Variants in OXR1 observed in about 807,000 individuals in gnomAD.
The protein encoded by OXR1 is oxidation resistance protein 1.
In OXR1, 41 loss-of-function variants were observed where a neutral mutation model predicts 104.6. The ratio of observed to expected loss-of-function variants is 0.39; its 90% CI spans 0.31 to 0.51. The LOEUF (loss-of-function observed/expected upper bound fraction) is 0.51. OXR1 is among the 20% of genes least tolerant of loss of function. The pLI is 0.77. For synonymous variants in OXR1, 348 were observed against 348.4 expected (o/e 1.00, Z 0.01); for missense variants, 955 against 1,031.9 (o/e 0.93, Z 1.02).
intron 3 of OXR1, among the ~76,000 whole-genome samples, chr8:106,638,723 T>C (rs565480866): frequency 1.8e-4 from 27 of 152,154 alleles, no homozygotes; most frequent in Admixed American, 1.0e-3. Context: ...TGAAATCCCA[T>C]CTCTACTAAA....
intron 2 of OXR1, among the ~76,000 whole-genome samples, chr8:106,489,029 C>T (rs932916000): frequency 1.3e-4 from 19 of 148,636 alleles, no homozygotes; most frequent in African/African-American, 4.3e-4. Flanking sequence ...TGGCCATTTT[C>T]ACGATATTGA....
intron 1 of OXR1, among the ~76,000 whole-genome samples, chr8:106,354,693 T>C (rs1221290935): frequency 6.6e-6 from 1 of 152,166 alleles, no homozygotes; most frequent in Non-Finnish European, 1.5e-5. Flanking sequence ...ATAGAAAACC[T>C]ATATTTATTA....
intron 3 of OXR1, among the ~76,000 whole-genome samples, chr8:106,555,928 G>GTGTATA (rs1554593236): frequency 1.5e-4 from 22 of 142,538 alleles, no homozygotes; most frequent in East Asian, 1.3e-3. Context: ...GTATATATAT[G>GTGTATA]TACATATATA....
chr8:106,359,631 A>G lies in OXR1; in HGVS notation c.18A>G (p.Leu6=), dbSNP rs1270427627. 4.5e-5 allele frequency: 69 copies of G among 1,547,220 alleles called. No homozygotes were observed. Among genetic ancestry groups the G allele is most frequent in the Non-Finnish European group, 5.5e-5 (63 of 1,142,782 alleles). ...TTGCTGCAATGTCTGTGTCTAATCT[A>G]TCATGGTGAGTGAATGGTTTTCTTG... The part of the protein sequence containing the change: MSVSN[L]SWLKKKSQSV... Residue 6 remains leucine (L), a synonymous_variant, in exon 2 of 17, where the codon CTA becomes CTG. Coordinates refer to ENST00000517566, the MANE Select transcript of OXR1 (RefSeq NM_001198533.2).
rs1563712494 is a variant in OXR1 at position 106,692,224 on chromosome 8, A to G, written c.526-504A>G. ...TGATCTAGTGGAATGGGATTTATCA[A>G]CTGTAGCTCGAGATTTAAAAGGCTA... On this transcript the variant is annotated intron_variant, in intron 6 of 16. Coordinates refer to ENST00000517566, the MANE Select transcript of OXR1 (RefSeq NM_001198533.2). 6.6e-5 allele frequency among the ~76,000 whole-genome samples: 10 copies of G among 152,164 alleles called. No individual in the cohort carries two copies. The South Asian group carries it at 1.7e-3, about 25-fold the overall frequency.
intron 2 of OXR1, among the ~76,000 whole-genome samples, chr8:106,431,161 C>G (rs1246823901): frequency 6.6e-6 from 1 of 152,022 alleles, no homozygotes; most frequent in Non-Finnish European, 1.5e-5. Context: ...GGGTTGTAGC[C>G]CATAGACTTC....
chr8:106,606,227 A>G (rs1224021488), intron 3 of OXR1, among the ~76,000 whole-genome samples: 1 of 151,992 alleles, frequency 6.6e-6, no homozygotes, highest in African/African-American at 2.4e-5. Context: ...TTGGCCACCT[A>G]CCATCGTCAA....
chr8:106,518,503 G>A (rs1346228911), intron 2 of OXR1, among the ~76,000 whole-genome samples: 1 of 152,096 alleles, frequency 6.6e-6, no homozygotes, highest in Non-Finnish European at 1.5e-5. Context: ...CAGCTAAGAT[G>A]CTGTATAGAT....
chr8:106,474,588 A>G (rs1290417092), intron 2 of OXR1, among the ~76,000 whole-genome samples: 2 of 151,924 alleles, frequency 1.3e-5, no homozygotes, highest in Non-Finnish European at 2.9e-5. Context: ...ATAAAATTTA[A>G]ATTTCTGTGT....
chr8:106,392,242 G>T (rs1817612751), intron 2 of OXR1, among the ~76,000 whole-genome samples: 1 of 152,158 alleles, frequency 6.6e-6, no homozygotes, highest in African/African-American at 2.4e-5. Context: ...CCACATATGT[G>T]TTTGCTTTGT....
intron 2 of OXR1, among the ~76,000 whole-genome samples, chr8:106,371,473 G>C (rs1224091806): frequency 6.6e-6 from 1 of 151,984 alleles, no homozygotes; most frequent in East Asian, 1.9e-4. Context: ...CTAGCTCTTT[G>C]AATTGTGATG....
At chr8:106,444,389 CAT>C (rs1401238734) in intron 2 of OXR1, among the ~76,000 whole-genome samples, 1 of 152,098 alleles carries the variant, frequency 6.6e-6, no homozygotes, top group Non-Finnish European at 1.5e-5. Context: ...TTCATGCACA[CAT>C]GTTTATTGCA....
chr8:106,516,270 A>G (rs1301889063), intron 2 of OXR1, among the ~76,000 whole-genome samples: 1 of 152,154 alleles, frequency 6.6e-6, no homozygotes, highest in African/African-American at 2.4e-5. Context: ...AGCAGTACAA[A>G]TGCATACCTT....
At chr8:106,537,155 CATAAT>C (rs966797479) in intron 3 of OXR1, among the ~76,000 whole-genome samples, 21 of 152,052 alleles carry the variant, frequency 1.4e-4, no homozygotes, top group African/African-American at 4.8e-4. Context: ...GCTTCACCCT[CATAAT>C]ATAACTACCT....
chr8:106,298,882 C>T (rs1244554267), intron 1 of OXR1, among the ~76,000 whole-genome samples: 1 of 151,806 alleles, frequency 6.6e-6, no homozygotes, highest in Non-Finnish European at 1.5e-5. Context: ...CCTTCAGTGA[C>T]CCTGAAAAAC....
chr8:106,539,579 G>T (rs1814796383), intron 3 of OXR1, among the ~76,000 whole-genome samples: 1 of 152,140 alleles, frequency 6.6e-6, no homozygotes, highest in Admixed American at 6.5e-5. Flanking sequence ...CAAAAGAAAA[G>T]GTTAGGATCT....
At chr8:106,281,668 C>T (rs889739484) in intron 1 of OXR1, among the ~76,000 whole-genome samples, 3 of 151,936 alleles carry the variant, frequency 2.0e-5, no homozygotes, top group African/African-American at 4.8e-5. Flanking sequence ...GGTGCACTGG[C>T]GCACGCCTGT....
Position 106,370,014 on chromosome 8 carries a change from T to C in OXR1, c.23+10378T>C, listed in dbSNP as rs1276838919. ...TGTTTGGCCATTTTCACGACATTGA[T>C]TCTTCCTATCCATGAGGATGGAATG... On this transcript the variant is annotated intron_variant, in intron 2 of 16. Transcript: ENST00000517566. Among the ~76,000 whole-genome samples, 4 of 152,376 alleles carry C rather than the reference T, an allele frequency of 2.6e-5. No individual in the cohort carries two copies. The East Asian group carries it at 7.7e-4, about 29-fold the overall frequency.
intron 2 of OXR1, among the ~76,000 whole-genome samples, chr8:106,364,935 A>G (rs1459272943): frequency 6.6e-6 from 1 of 152,132 alleles, no homozygotes; most frequent in Non-Finnish European, 1.5e-5. Flanking sequence ...GCTCTCAGGG[A>G]CAATACTAAT....
Sources: gnomAD v4.1 joint callset for allele counts (sites outside exome capture counted in the v4.1 genomes callset) on GRCh38, gnomAD v4.1.1 for gene constraint, MANE v1.5 for transcripts, NCBI Gene and HGNC (gene_info 2026-07-23, HGNC 2026-07-21) for gene names.